Variants in ULK4 observed in about 807,000 individuals in gnomAD.
ULK4 encodes the protein inactive serine/threonine-protein kinase ULK4.
Under a neutral mutation model 160.6 loss-of-function variants are expected in ULK4, and 133 were observed. That is an observed-to-expected ratio of 0.83 (90% CI 0.72 to 0.96). The LOEUF is 0.96. ULK4 is among the 40% of genes least tolerant of loss of function. ULK4 has a pLI of 0.00. For synonymous variants in ULK4, 534 were observed against 539.8 expected (o/e 0.99, Z 0.15); for missense variants, 1,580 against 1,499.5 (o/e 1.05, Z -0.89).
intron 35 of ULK4, chr3:41,278,300 C>G (rs2079270948): frequency 6.6e-6 from 1 of 152,382 alleles, no homozygotes; most frequent in Non-Finnish European, 1.5e-5. Flanking sequence ...GAAGTGCGAA[C>G]TGGGCAGAGC....
At chr3:41,923,203 G>C (rs1300647701) in intron 5 of ULK4, among the ~76,000 whole-genome samples, 1 of 151,708 alleles carries the variant, frequency 6.6e-6, no homozygotes, top group African/African-American at 2.4e-5. Flanking sequence ...AAAAAAATAA[G>C]AATCCCTGAA....
chr3:41,962,079 G>C lies in ULK4; in HGVS notation c.-112C>G, dbSNP rs1700696814. ...CTGCTCCCGCGGTTGCGCGCATCTC[G>C]GCCTCTGCCTCAGGACAGGTCCACA... On this transcript the variant is annotated 5_prime_UTR_variant, in exon 1 of 37. Transcript: ENST00000301831. The C allele has an allele frequency of 6.6e-6, 1 of 152,456 alleles. No homozygotes were observed. The highest frequency in any genetic ancestry group is 1.5e-5 in the Non-Finnish European group (1 of 68,196). The allele number at this position is 152,456 out of a possible 1,614,324, so 9.4% of individuals were successfully genotyped here. A position where few individuals can be genotyped will look rare whatever the true frequency, so the allele number is the denominator to read the frequency against.
intron 30 of ULK4, among the ~76,000 whole-genome samples, chr3:41,627,828 G>T (rs911669773): frequency 6.6e-6 from 1 of 152,206 alleles, no homozygotes; most frequent in African/African-American, 2.4e-5. Context: ...GAGAGGAGGT[G>T]TTCGTGAGCC....
chr3:41,830,281 A>C (rs1417104692), intron 18 of ULK4, among the ~76,000 whole-genome samples: 1 of 152,126 alleles, frequency 6.6e-6, no homozygotes, highest in African/African-American at 2.4e-5. Flanking sequence ...ATGTACCCTA[A>C]AACTTAAAGT....
intron 30 of ULK4, among the ~76,000 whole-genome samples, chr3:41,661,257 G>A (rs1226219581): frequency 2.0e-5 from 3 of 152,056 alleles, no homozygotes; most frequent in South Asian, 2.1e-4. Context: ...GCAAGAGTAT[G>A]AATAAATATG....
At chr3:41,755,078 G>C (rs2038756023) in intron 21 of ULK4, among the ~76,000 whole-genome samples, 3 of 152,186 alleles carry the variant, frequency 2.0e-5, no homozygotes, top group African/African-American at 4.8e-5. Context: ...TTAAAAGACA[G>C]ACTATAAATA....
intron 13 of ULK4, among the ~76,000 whole-genome samples, chr3:41,898,875 T>A (rs944900853): frequency 1.3e-5 from 2 of 152,214 alleles, no homozygotes; most frequent in Non-Finnish European, 1.5e-5. Context: ...CACAATCCTA[T>A]TTTCAGAGAG....
chr3:41,646,417 G>A lies in ULK4; in HGVS notation c.3071+17190C>T, dbSNP rs150471956. ...TGACAAAACCTGTCAGCATTTGCTT[G>A]TCTGTAAAGTGTTTTATTTCTCCTT... is the stretch of plus-strand genomic sequence containing the variant. On this transcript the variant is annotated intron_variant, in intron 30 of 36. Coordinates refer to ENST00000301831, the MANE Select transcript of ULK4 (RefSeq NM_017886.4). Among the ~76,000 whole-genome samples the A allele has an allele frequency of 8.0e-3, 1,219 of 152,260 alleles. 15 individuals are homozygous for A. Among genetic ancestry groups the A allele is most frequent in the African/African-American group, 0.028 (1,174 of 41,540 alleles).
At chr3:41,335,634 G>A (rs1364244493) in intron 35 of ULK4, among the ~76,000 whole-genome samples, 1 of 152,038 alleles carries the variant, frequency 6.6e-6, no homozygotes, top group African/African-American at 2.4e-5. Flanking sequence ...GAAGAACACT[G>A]CCTGATGCTA....
At chr3:41,649,176 A>T (rs560184364) in intron 30 of ULK4, among the ~76,000 whole-genome samples, 1 of 152,046 alleles carries the variant, frequency 6.6e-6, no homozygotes, top group Non-Finnish European at 1.5e-5. Context: ...ACAACTACTC[A>T]ACTTTGCCAC....
At chr3:41,532,677 G>T (rs2086362243) in intron 32 of ULK4, among the ~76,000 whole-genome samples, 1 of 152,054 alleles carries the variant, frequency 6.6e-6, no homozygotes, top group South Asian at 2.1e-4. Context: ...TTTATATATT[G>T]TCTACAGCTG....
intron 34 of ULK4, among the ~76,000 whole-genome samples, chr3:41,445,687 C>T (rs1175405024): frequency 6.6e-6 from 1 of 152,182 alleles, no homozygotes; most frequent in African/African-American, 2.4e-5. Context: ...AAAGCTGAAA[C>T]TGGATCCCTT....
chr3:41,483,990 C>A (rs1395491538), intron 32 of ULK4, among the ~76,000 whole-genome samples: 1 of 152,208 alleles, frequency 6.6e-6, no homozygotes, highest in Non-Finnish European at 1.5e-5. Context: ...GATGCCCTGA[C>A]AATACCTTGA....
chr3:41,593,228 T>C (rs910377349), intron 31 of ULK4, among the ~76,000 whole-genome samples: 1 of 152,228 alleles, frequency 6.6e-6, no homozygotes, highest in Non-Finnish European at 1.5e-5. Flanking sequence ...ACTACCCACT[T>C]TGCTGTCTAA....
intron 34 of ULK4, among the ~76,000 whole-genome samples, chr3:41,445,321 G>C (rs1481161139): frequency 6.6e-6 from 1 of 152,102 alleles, no homozygotes; most frequent in Non-Finnish European, 1.5e-5. Context: ...TAGATTCAAT[G>C]CCATCCCCAT....
intron 29 of ULK4, among the ~76,000 whole-genome samples, 195 bp downstream of exon 29, chr3:41,681,313 G>A (rs544752767): frequency 1.2e-4 from 19 of 152,272 alleles, no homozygotes; most frequent in African/African-American, 4.1e-4. Flanking sequence ...CCTCAAAGAT[G>A]AACTGAGACC....
chr3:41,622,157 T>C (rs2033272820), intron 30 of ULK4, among the ~76,000 whole-genome samples: 1 of 152,206 alleles, frequency 6.6e-6, no homozygotes, highest in South Asian at 2.1e-4. Context: ...TTTTACACTG[T>C]TGGTGGGAGT....
chr3:41,454,485 A>G (rs1418662997), intron 34 of ULK4, among the ~76,000 whole-genome samples: 1 of 147,670 alleles, frequency 6.8e-6, no homozygotes, highest in East Asian at 2.1e-4. Flanking sequence ...TGCTGCAGTG[A>G]GCTGAGATCA....
intron 21 of ULK4, among the ~76,000 whole-genome samples, chr3:41,755,820 T>G (rs1244387860): frequency 6.6e-6 from 1 of 152,216 alleles, no homozygotes; most frequent in Non-Finnish European, 1.5e-5. Context: ...GGTCTGTAGA[T>G]TAGCTAACAA....
Sources: gnomAD v4.1 joint callset for allele counts (sites outside exome capture counted in the v4.1 genomes callset) on GRCh38, gnomAD v4.1.1 for gene constraint, MANE v1.5 for transcripts, NCBI Gene and HGNC (gene_info 2026-07-23, HGNC 2026-07-21) for gene names.